GALNTL6: variants seen among roughly 807,000 people sequenced by gnomAD.
GALNTL6 encodes polypeptide N-acetylgalactosaminyltransferase like 6.
Under a neutral mutation model 73.7 loss-of-function variants are expected in GALNTL6, and 46 were observed. That is an observed-to-expected ratio of 0.62 (90% CI 0.49 to 0.80). The LOEUF is 0.80. GALNTL6 is among the 30% of genes least tolerant of loss of function. GALNTL6 has a pLI of 0.00. For synonymous variants in GALNTL6, 259 were observed against 263.7 expected (o/e 0.98, Z 0.17); for missense variants, 604 against 755.0 (o/e 0.80, Z 2.34).
At chr4:172,775,556 C>CTGGGA (rs1739025980) in intron 5 of GALNTL6, among the ~76,000 whole-genome samples, 1 of 152,212 alleles carries the variant, frequency 6.6e-6, no homozygotes, top group Non-Finnish European at 1.5e-5. Context: ...GAATATCCAT[C>CTGGGA]TGGGAACCAA....
intron 2 of GALNTL6, among the ~76,000 whole-genome samples, chr4:171,888,172 C>T (rs1736656612): frequency 6.6e-6 from 1 of 151,626 alleles, no homozygotes; most frequent in African/African-American, 2.4e-5. Flanking sequence ...ATCTTTTGAA[C>T]CTAAACGTCA....
At position 172,564,575 on chromosome 4, in the gene GALNTL6, A is replaced by G. The variant is rs150259812; in HGVS notation, c.553+215886A>G. Among the ~76,000 whole-genome samples, 3 of 152,372 alleles carry G rather than the reference A, an allele frequency of 2.0e-5. No homozygotes were observed. The East Asian group carries it at 5.8e-4, about 29-fold the overall frequency. On this transcript the variant is annotated intron_variant, in intron 5 of 12. Coordinates refer to ENST00000506823, the MANE Select transcript of GALNTL6 (RefSeq NM_001034845.3). Reference sequence around the variant, plus strand: ...AAAGCAGAGTGGAATGTATACTGTAATTACCACCTTTGCCCTTGCTACAGG... The same window carrying G: ...AAAGCAGAGTGGAATGTATACTGTAGTTACCACCTTTGCCCTTGCTACAGG...
At chr4:172,917,950 A>G (rs1747607299) in intron 8 of GALNTL6, among the ~76,000 whole-genome samples, 1 of 152,330 alleles carries the variant, frequency 6.6e-6, no homozygotes, top group African/African-American at 2.4e-5. Context: ...ACATGCACAC[A>G]TATGTTTATT....
intron 5 of GALNTL6, among the ~76,000 whole-genome samples, chr4:172,493,725 T>A (rs1733969801): frequency 6.6e-6 from 1 of 152,172 alleles, no homozygotes; most frequent in Admixed American, 6.5e-5. Flanking sequence ...TTGATAAGAA[T>A]GCCCCCTGTT....
intron 3 of GALNTL6, among the ~76,000 whole-genome samples, chr4:172,254,336 T>C (rs1434660477): frequency 6.6e-6 from 1 of 151,834 alleles, no homozygotes; most frequent in Non-Finnish European, 1.5e-5. Flanking sequence ...ATAAATTAGA[T>C]ATTAATAAAG....
chr4:172,180,630 G>A (rs1227938231), intron 2 of GALNTL6, among the ~76,000 whole-genome samples: 1 of 152,190 alleles, frequency 6.6e-6, no homozygotes, highest in Non-Finnish European at 1.5e-5. Flanking sequence ...TTTGTAGAAA[G>A]TGTAAGGAAG....
intron 5 of GALNTL6, among the ~76,000 whole-genome samples, chr4:172,602,452 ATGTCT>A (rs1738095367): frequency 6.6e-6 from 1 of 152,186 alleles, no homozygotes; most frequent in African/African-American, 2.4e-5. Flanking sequence ...ACTGTTATAA[ATGTCT>A]TACCTTATAG....
At chr4:172,413,313 TTACA>T (rs993812320) in intron 5 of GALNTL6, among the ~76,000 whole-genome samples, 9 of 152,230 alleles carry the variant, frequency 5.9e-5, no homozygotes, top group African/African-American at 1.9e-4. Flanking sequence ...CCACTTTTGA[TTACA>T]GCGTCTTGAT....
intron 2 of GALNTL6, among the ~76,000 whole-genome samples, chr4:172,079,858 T>G (rs1731824864): frequency 6.6e-6 from 1 of 152,008 alleles, no homozygotes; most frequent in African/African-American, 2.4e-5. Context: ...AATTTTGTTC[T>G]CTTTAACTTT....
At chr4:172,900,133 C>T (rs922062403) in intron 8 of GALNTL6, among the ~76,000 whole-genome samples, 7 of 152,122 alleles carry the variant, frequency 4.6e-5, no homozygotes, top group South Asian at 2.1e-4. Context: ...CTGGTTAAAA[C>T]GCATCTGACA....
chr4:172,424,366 G>T (rs1396104670), intron 5 of GALNTL6, among the ~76,000 whole-genome samples: 1 of 151,912 alleles, frequency 6.6e-6, no homozygotes, highest in Non-Finnish European at 1.5e-5. Flanking sequence ...TAATTTAATG[G>T]TTCTACACAT....
chr4:172,643,885 G>A (rs1224781462), intron 5 of GALNTL6, among the ~76,000 whole-genome samples: 1 of 151,634 alleles, frequency 6.6e-6, no homozygotes, highest in Non-Finnish European at 1.5e-5. Flanking sequence ...GTTATTTGAT[G>A]AACATTTCTC....
At chr4:172,302,213 C>T (rs571362697) in intron 3 of GALNTL6, among the ~76,000 whole-genome samples, 3 of 152,238 alleles carry the variant, frequency 2.0e-5, no homozygotes, top group African/African-American at 4.8e-5. Flanking sequence ...CTAAGACTGT[C>T]GGAAAAGTGC....
chr4:172,743,623 T>A (rs1371003790), intron 5 of GALNTL6, among the ~76,000 whole-genome samples: 1 of 152,012 alleles, frequency 6.6e-6, no homozygotes, highest in Non-Finnish European at 1.5e-5. Context: ...AAAAAAATTA[T>A]CATGATGGCA....
At chr4:172,036,256 G>C (rs1427316868) in intron 2 of GALNTL6, among the ~76,000 whole-genome samples, 1 of 152,010 alleles carries the variant, frequency 6.6e-6, no homozygotes, top group Non-Finnish European at 1.5e-5. Flanking sequence ...CAAAGGTTTG[G>C]ATTTTGGGTC....
chr4:172,060,982 A>G (rs1731181490), intron 2 of GALNTL6, among the ~76,000 whole-genome samples: 1 of 152,206 alleles, frequency 6.6e-6, no homozygotes. Flanking sequence ...TAGAGCCATC[A>G]TTAGGAATAT....
intron 5 of GALNTL6, among the ~76,000 whole-genome samples, chr4:172,367,021 C>T (rs1270088322): frequency 6.6e-6 from 1 of 152,116 alleles, no homozygotes; most frequent in African/African-American, 2.4e-5. Flanking sequence ...ATTAATACCC[C>T]GTGAATCCTA....
At chr4:172,860,945 G>C (rs1306532088) in intron 7 of GALNTL6, among the ~76,000 whole-genome samples, 1 of 152,060 alleles carries the variant, frequency 6.6e-6, no homozygotes, top group African/African-American at 2.4e-5. Flanking sequence ...TGCTTAAGTG[G>C]ATACAGAATC....
intron 2 of GALNTL6, among the ~76,000 whole-genome samples, chr4:172,081,406 A>C (rs1731875278): frequency 6.6e-6 from 1 of 152,196 alleles, no homozygotes; most frequent in African/African-American, 2.4e-5. Context: ...TTGGGAGGCC[A>C]AGGCAGGCGA....
Sources: gnomAD v4.1 joint callset for allele counts (sites outside exome capture counted in the v4.1 genomes callset) on GRCh38, gnomAD v4.1.1 for gene constraint, MANE v1.5 for transcripts, NCBI Gene and HGNC (gene_info 2026-07-23, HGNC 2026-07-21) for gene names.